Variants in ANGPT1 observed in about 807,000 individuals in gnomAD.
ANGPT1 encodes angiopoietin 1, also known as angiopoietin-1.
In ANGPT1, 17 loss-of-function variants were observed where a neutral mutation model predicts 62.2. That is an observed-to-expected ratio of 0.27 (90% CI 0.19 to 0.41). The LOEUF is 0.41. Among genes scored for constraint, ANGPT1 ranks in the 10% least tolerant of loss-of-function variants. ANGPT1 has a pLI of 1.00. For missense variants in ANGPT1, 478 were observed against 594.9 expected (o/e 0.80, Z 2.04); for synonymous variants, 199 against 198.9 (o/e 1.00, Z 0.00).
At chr8:107,456,742 G>A (rs758753027) in intron 1 of ANGPT1, among the ~76,000 whole-genome samples, 6 of 151,992 alleles carry the variant, frequency 3.9e-5, no homozygotes, top group Non-Finnish European at 8.8e-5. Flanking sequence ...GATGTAAAAT[G>A]TATTATTTTA....
At chr8:107,399,863 G>T (rs1255538399) in intron 1 of ANGPT1, among the ~76,000 whole-genome samples, 1 of 152,140 alleles carries the variant, frequency 6.6e-6, no homozygotes, top group Non-Finnish European at 1.5e-5. Flanking sequence ...TTGTTGGGTA[G>T]AAAGGGCTTA....
At chr8:107,454,114 A>G (rs1811853026) in intron 1 of ANGPT1, among the ~76,000 whole-genome samples, 1 of 152,054 alleles carries the variant, frequency 6.6e-6, no homozygotes, top group South Asian at 2.1e-4. Flanking sequence ...ACCTATTTTC[A>G]TGTTCCTTCT....
At chr8:107,324,137 G>GC (rs540714083) in intron 3 of ANGPT1, among the ~76,000 whole-genome samples, 228 of 144,872 alleles carry the variant, frequency 1.6e-3, no homozygotes, top group African/African-American at 5.9e-3. Flanking sequence ...GCCCATGCTT[G>GC]CCCCCCAGCC....
intron 1 of ANGPT1, among the ~76,000 whole-genome samples, chr8:107,378,991 A>C (rs1365660065): frequency 1.3e-5 from 2 of 151,572 alleles, no homozygotes; most frequent in Non-Finnish European, 2.9e-5. Flanking sequence ...TTAGTCCTAC[A>C]GTCTATTCAT....
intron 1 of ANGPT1, among the ~76,000 whole-genome samples, chr8:107,460,099 C>G (rs568210358): frequency 2.6e-5 from 4 of 152,170 alleles, no homozygotes; most frequent in Non-Finnish European, 4.4e-5. Context: ...GACAAGGACA[C>G]GTCTGAGCAT....
intron 6 of ANGPT1, among the ~76,000 whole-genome samples, chr8:107,291,247 C>T (rs759403393): frequency 1.3e-5 from 2 of 152,096 alleles, no homozygotes; most frequent in Non-Finnish European, 2.9e-5. Flanking sequence ...TTCAGTGTGC[C>T]AAAGTGCTTT....
At chr8:107,389,935 TAA>T (rs375965920) in intron 1 of ANGPT1, among the ~76,000 whole-genome samples, 15 of 135,410 alleles carry the variant, frequency 1.1e-4, no homozygotes, top group Non-Finnish European at 7.8e-5. Context: ...GGTTTCTTCC[TAA>T]AAAAAAAAAA....
chr8:107,273,723 TC>T (rs776919377), intron 7 of ANGPT1, among the ~76,000 whole-genome samples: 59 of 151,952 alleles, frequency 3.9e-4, no homozygotes, highest in Non-Finnish European at 7.1e-4. Context: ...CCTTTCCCAG[TC>T]CCATTTAATC....
At chr8:107,442,636 C>A (rs1811513425) in intron 1 of ANGPT1, among the ~76,000 whole-genome samples, 1 of 152,142 alleles carries the variant, frequency 6.6e-6, no homozygotes, top group Non-Finnish European at 1.5e-5. Context: ...CATAGGATGA[C>A]CCTAACTCCG....
intron 1 of ANGPT1, among the ~76,000 whole-genome samples, chr8:107,402,236 T>C (rs1817060903): frequency 6.6e-6 from 1 of 152,194 alleles, no homozygotes; most frequent in East Asian, 1.9e-4. Context: ...CCTAAGGATG[T>C]TTCAGGTTGA....
chr8:107,337,920 C>T (rs1188554125), intron 2 of ANGPT1, among the ~76,000 whole-genome samples: 1 of 151,882 alleles, frequency 6.6e-6, no homozygotes, highest in Non-Finnish European at 1.5e-5. Context: ...CACGGCAAAA[C>T]CCCATCTCTA....
chr8:107,285,204 G>C (rs142599406), intron 6 of ANGPT1, among the ~76,000 whole-genome samples: 2 of 152,192 alleles, frequency 1.3e-5, no homozygotes, highest in East Asian at 1.9e-4. Flanking sequence ...ATTTTGAATA[G>C]AGTTTAAAGA....
At chr8:107,391,059 C>T (rs1354173117) in intron 1 of ANGPT1, among the ~76,000 whole-genome samples, 3 of 152,142 alleles carry the variant, frequency 2.0e-5, no homozygotes, top group African/African-American at 7.2e-5. Flanking sequence ...AATTGGCATA[C>T]CAGTTACTAG....
In ANGPT1 at chr8:107,250,278, C is replaced by A. The variant is rs1813219879; in HGVS notation, c.*1577G>T. ...TGTCATAACCTTGGACACTTACAGG[C>A]AGAGAAGACTTCTTGATAAAATAAT... On this transcript the variant is annotated 3_prime_UTR_variant, in exon 9 of 9. Transcript: ENST00000517746. 1 of 152,110 alleles carries A rather than the reference C, an allele frequency of 6.6e-6. No homozygotes were observed. Among genetic ancestry groups the A allele is most frequent in the Non-Finnish European group, 1.5e-5 (1 of 68,002 alleles). 9.4% of individuals were successfully genotyped at this position (152,110 alleles called of 1,614,324 possible).
At position 107,251,641 on chromosome 8, in the gene ANGPT1, G is replaced by A. The variant is rs956264015; in HGVS notation, c.*214C>T. On this transcript the variant is annotated 3_prime_UTR_variant, in exon 9 of 9. Transcript: ENST00000517746. ...ACAGTCAGTGGAGTTTTCTATAGTC[G>A]AGCCACGTGAGCACTGTCACCCCAA... 7.9e-6 allele frequency: 4 copies of A among 505,674 alleles called. No homozygotes were observed. The highest frequency in any genetic ancestry group is 1.9e-5 in the African/African-American group (1 of 52,122). The allele number at this position is 505,674 out of a possible 1,614,324, so 31.3% of individuals were successfully genotyped here.
chr8:107,392,787 T>C (rs1428492252), intron 1 of ANGPT1, among the ~76,000 whole-genome samples: 1 of 152,204 alleles, frequency 6.6e-6, no homozygotes, highest in Non-Finnish European at 1.5e-5. Context: ...TGTGGTATAA[T>C]GTAATTTTAT....
chr8:107,405,968 T>C (rs1817140445), intron 1 of ANGPT1, among the ~76,000 whole-genome samples: 1 of 151,940 alleles, frequency 6.6e-6, no homozygotes, highest in South Asian at 2.1e-4. Context: ...TTTTAAACTG[T>C]GTGTTTGGGT....
intron 1 of ANGPT1, among the ~76,000 whole-genome samples, chr8:107,472,356 G>A (rs1324414413): frequency 6.6e-6 from 1 of 151,994 alleles, no homozygotes; most frequent in African/African-American, 2.4e-5. Flanking sequence ...CACACTTAAT[G>A]AGTGAGGAGT....
chr8:107,366,041 A>G (rs1680225865), intron 1 of ANGPT1, among the ~76,000 whole-genome samples: 1 of 152,206 alleles, frequency 6.6e-6, no homozygotes, highest in Non-Finnish European at 1.5e-5. Context: ...GCTTGACTCA[A>G]TCCATTTTTA....
Sources: gnomAD v4.1 joint callset for allele counts (sites outside exome capture counted in the v4.1 genomes callset) on GRCh38, gnomAD v4.1.1 for gene constraint, MANE v1.5 for transcripts, NCBI Gene and HGNC (gene_info 2026-07-23, HGNC 2026-07-21) for gene names.